Variants in KMT2C observed in about 807,000 individuals in gnomAD.
The protein encoded by KMT2C is histone-lysine N-methyltransferase 2C.
KMT2C carries 88 observed loss-of-function variants against 507.9 expected under a neutral mutation model. The ratio of observed to expected loss-of-function variants is 0.17; its 90% CI spans 0.15 to 0.21. The LOEUF (loss-of-function observed/expected upper bound fraction) is 0.21, where lower values mean the gene tolerates loss of function less well. Among genes scored for constraint, KMT2C ranks in the 10% least tolerant of loss-of-function variants. The pLI, the probability that KMT2C is intolerant of heterozygous loss-of-function variation, is 1.00. For synonymous variants in KMT2C, 2,049 were observed against 2,080.8 expected (o/e 0.98, Z 0.42); for missense variants, 4,954 against 5,957.8 (o/e 0.83, Z 5.55).
intron 2 of KMT2C, among the ~76,000 whole-genome samples, chr7:152,341,643 A>G (rs1157096028): frequency 6.6e-6 from 1 of 152,160 alleles, no homozygotes; most frequent in Non-Finnish European, 1.5e-5. Flanking sequence ...ACCAATATCT[A>G]CCACCACAGT....
intron 8 of KMT2C, among the ~76,000 whole-genome samples, chr7:152,264,507 G>A (rs1022090097): frequency 3.3e-5 from 5 of 152,154 alleles, no homozygotes; most frequent in African/African-American, 1.2e-4. Context: ...TCTACTCAAG[G>A]TGGCTTTTAG....
At chr7:152,240,201 TCACTTTCATAATTTC>T (rs2095357607) in intron 14 of KMT2C, among the ~76,000 whole-genome samples, 1 of 152,222 alleles carries the variant, frequency 6.6e-6, no homozygotes, top group Non-Finnish European at 1.5e-5. Context: ...GTCAATTACC[TCACTTTCATAATTTC>T]CAATCAACTT....
At position 152,228,820 on chromosome 7, in the gene KMT2C, T is replaced by G. The variant is rs2095018346; in HGVS notation, c.2976+1103A>C. Among the ~76,000 whole-genome samples the G allele has an allele frequency of 1.3e-5, 2 of 152,238 alleles. 1 individual carries two copies. The highest frequency in any genetic ancestry group is 4.1e-4 in the South Asian group (2 of 4,834). ...ATGTTTTATGCATATATAACTCTAT[T>G]TTTTAATTGGCTTTATATACTCTGT... On this transcript the variant is annotated intron_variant, in intron 18 of 58. Transcript: ENST00000262189.
intron 1 of KMT2C, among the ~76,000 whole-genome samples, chr7:152,396,525 C>G (rs112072340): frequency 2.4e-4 from 37 of 152,310 alleles, no homozygotes; most frequent in African/African-American, 8.7e-4. Context: ...ATAAATACCA[C>G]TAAGCCTAGA....
At chr7:152,179,658 TTGGG>T (rs2093359418) in intron 37 of KMT2C, among the ~76,000 whole-genome samples, 172 bp downstream of exon 37, 1 of 2,690 alleles carries the variant, frequency 3.7e-4, no homozygotes, top group African/African-American at 1.4e-3. Context: ...GTTGAAGAGG[TTGGG>T]GGGGGGGGGG....
intron 3 of KMT2C, among the ~76,000 whole-genome samples, chr7:152,326,662 C>T (rs1454339930): frequency 6.6e-6 from 1 of 152,070 alleles, no homozygotes; most frequent in Non-Finnish European, 1.5e-5. Flanking sequence ...GTGCAGATCA[C>T]GAGGTCAGGA....
At chr7:152,194,983 T>G (rs533706790) in intron 28 of KMT2C, among the ~76,000 whole-genome samples, 1 of 152,190 alleles carries the variant, frequency 6.6e-6, no homozygotes, top group African/African-American at 2.4e-5. Flanking sequence ...ATGTTTCATA[T>G]GAATTAATGA....
At chr7:152,285,641 T>C (rs2096283402) in intron 6 of KMT2C, among the ~76,000 whole-genome samples, 1 of 152,318 alleles carries the variant, frequency 6.6e-6, no homozygotes, top group Non-Finnish European at 1.5e-5. Flanking sequence ...TGGGAGGACA[T>C]TATACCCTTG....
At chr7:152,262,332 G>C (rs1303137928) in intron 9 of KMT2C, among the ~76,000 whole-genome samples, 1 of 152,144 alleles carries the variant, frequency 6.6e-6, no homozygotes, top group Non-Finnish European at 1.5e-5. Context: ...AGCACCTGAG[G>C]GTCATCTCCA....
chr7:152,415,647 G>C (rs541010703), intron 1 of KMT2C, among the ~76,000 whole-genome samples: 6 of 152,312 alleles, frequency 3.9e-5, no homozygotes, highest in Admixed American at 1.3e-4. Flanking sequence ...TTGGGAGGCC[G>C]AGGCGGGTGG....
In KMT2C at chr7:152,176,877, T is replaced by A; in HGVS notation, c.8576A>T (p.His2859Leu). The A allele has an allele frequency of 6.2e-7, 1 of 1,614,190 alleles. No homozygotes were observed. The highest frequency in any genetic ancestry group is 8.5e-7 in the Non-Finnish European group (1 of 1,180,014). The change falls in exon 38 of 59, where the codon CAC becomes CTC. Residue 2859 changes from histidine to leucine, a missense_variant. By Grantham distance (99) the His-to-Leu change is moderately conservative (BLOSUM62 -3). Coordinates refer to ENST00000262189, the MANE Select transcript of KMT2C (RefSeq NM_170606.3). ...VDTPCSQASA[H>L]SDLNDGEKTS... The stretch of plus-strand genomic sequence containing the variant: ...CTTTTCTCCATCATTTAGGTCTGAG[T>A]GAGCAGAAGCCTGTGAGCAAGGAGT...
chr7:152,314,281 T>C (rs890718564), intron 4 of KMT2C, among the ~76,000 whole-genome samples: 16 of 152,152 alleles, frequency 1.1e-4, no homozygotes, highest in African/African-American at 3.9e-4. Context: ...AATTTGGATA[T>C]AAGCCAGATA....
rs1180961490 is a variant in KMT2C at position 152,152,723 on chromosome 7, A to G, written c.12508T>C (p.Phe4170Leu). 8.7e-6 allele frequency: 14 copies of G among 1,614,058 alleles called. No individual in the cohort carries two copies. The highest frequency in any genetic ancestry group is 1.2e-5 in the Non-Finnish European group (14 of 1,180,016). Residue 4170 changes from phenylalanine (F) to leucine (L), a missense_variant, in exon 49 of 59, where the codon TTT (phenylalanine) becomes CTT (leucine). Physicochemically the swap from Phe to Leu is conservative, Grantham distance 22. Coordinates refer to ENST00000262189, the MANE Select transcript of KMT2C (RefSeq NM_170606.3). Reference sequence around the variant, plus strand: ...AGCTCACCATTGCTTGTTGGAGGAAATGGTACATTAGGCTGCTTCAGCCGG... The same window carrying G: ...AGCTCACCATTGCTTGTTGGAGGAAGTGGTACATTAGGCTGCTTCAGCCGG... The part of the protein sequence containing the change: ...SYRLKQPNVP[F>L]PPTSNGLSGY...
chr7:152,367,113 G>C, intron 1 of KMT2C: 1 of 916,606 alleles, frequency 1.1e-6, no homozygotes. Context: ...AACAGGAAGA[G>C]AAGAGTGTGG....
In KMT2C at chr7:152,250,970, A is replaced by G. The variant is rs1479727266; in HGVS notation, c.1622-4T>C. The G allele has an allele frequency of 6.7e-7, 1 of 1,486,764 alleles. No individual in the cohort carries two copies. The highest frequency in any genetic ancestry group is 9.4e-7 in the Non-Finnish European group (1 of 1,066,900). The allele number at this position is 1,486,764 out of a possible 1,614,324, so 92.1% of individuals were successfully genotyped here. ...ACTTCCATTTCATTGTTATAATCTT[A>G]ACAAAAAATTATTAATTCTTTAGCT... On this transcript the variant is annotated splice_polypyrimidine_tract_variant and splice_region_variant and intron_variant, in intron 11 of 58. Transcript: ENST00000262189.
At chr7:152,315,657 G>T (rs1161236772) in intron 3 of KMT2C, among the ~76,000 whole-genome samples, 2 of 152,112 alleles carry the variant, frequency 1.3e-5, no homozygotes, top group South Asian at 2.1e-4. Context: ...AGCTAAAGGT[G>T]GGGGCCAAGC....
intron 2 of KMT2C, among the ~76,000 whole-genome samples, chr7:152,344,678 A>C (rs2097036481): frequency 6.6e-6 from 1 of 152,126 alleles, no homozygotes; most frequent in East Asian, 1.9e-4. Flanking sequence ...GAATCATACA[A>C]ATTGCTCAAT....
chr7:152,229,116 T>A (rs903654886), intron 18 of KMT2C, among the ~76,000 whole-genome samples: 1 of 152,194 alleles, frequency 6.6e-6, no homozygotes, highest in African/African-American at 2.4e-5. Context: ...GGTATAAAAA[T>A]CACTCATGGT....
intron 23 of KMT2C, among the ~76,000 whole-genome samples, chr7:152,214,394 T>C (rs1257201227): frequency 6.6e-6 from 1 of 152,186 alleles, no homozygotes; most frequent in Non-Finnish European, 1.5e-5. Flanking sequence ...TGTATACACA[T>C]ATATTAAGTC....
Sources: gnomAD v4.1 joint callset for allele counts (sites outside exome capture counted in the v4.1 genomes callset) on GRCh38, gnomAD v4.1.1 for gene constraint, MANE v1.5 for transcripts, NCBI Gene and HGNC (gene_info 2026-07-23, HGNC 2026-07-21) for gene names.